The following SSR1 variants were observed in gnomAD, a reference collection of about 807,000 sequenced individuals.
SSR1 encodes signal sequence receptor subunit 1, also known as translocon-associated protein subunit alpha.
In SSR1, 13 loss-of-function variants were observed where a neutral mutation model predicts 36.1. The ratio of observed to expected loss-of-function variants is 0.36; its 90% CI spans 0.23 to 0.57. The LOEUF (loss-of-function observed/expected upper bound fraction) is 0.57. SSR1 is among the 20% of genes least tolerant of loss of function. SSR1 has a pLI of 0.81. For missense variants in SSR1, 291 were observed against 338.5 expected (o/e 0.86, Z 1.10); for synonymous variants, 113 against 118.9 (o/e 0.95, Z 0.32).
intron 1 of SSR1, among the ~76,000 whole-genome samples, chr6:7,311,925 G>A (rs1758203012): frequency 6.6e-6 from 1 of 152,104 alleles, no homozygotes; most frequent in African/African-American, 2.4e-5. Context: ...AAGAGTACCA[G>A]CAAACGACTC....
chr6:7,311,395 C>T (rs572936164), intron 1 of SSR1, among the ~76,000 whole-genome samples: 1 of 152,294 alleles, frequency 6.6e-6, no homozygotes, highest in African/African-American at 2.4e-5. Flanking sequence ...AGCGTGTTTT[C>T]ACCCAGGAGA....
intron 4 of SSR1, among the ~76,000 whole-genome samples, chr6:7,299,632 A>G (rs573988522): frequency 1.3e-5 from 2 of 149,916 alleles, no homozygotes; most frequent in Non-Finnish European, 3.0e-5. Flanking sequence ...CAGAAGGCAG[A>G]GGTTGTGATG....
intron 1 of SSR1, among the ~76,000 whole-genome samples, chr6:7,312,252 G>C (rs1454645183): frequency 6.6e-6 from 1 of 152,182 alleles, no homozygotes; most frequent in Non-Finnish European, 1.5e-5. Flanking sequence ...TGGGTTAATT[G>C]TTGAAAGAAT....
At chr6:7,298,445 G>A (rs929727444) in intron 5 of SSR1, 2 of 305,826 alleles carry the variant, frequency 6.5e-6, no homozygotes, top group East Asian at 5.7e-5. Context: ...TCAGAGGCAC[G>A]AGACTTAGTT....
At position 7,294,378 on chromosome 6, in the gene SSR1, T is replaced by G. The variant is rs9406017; in HGVS notation, c.793+1014A>C. ...GATATATAGAAATTAATGGAAAATATAAACATAATACCATTTATGAAAAAT... is the reference window on the plus strand; with the variant it reads ...GATATATAGAAATTAATGGAAAATAGAAACATAATACCATTTATGAAAAAT... On this transcript the variant is annotated intron_variant, in intron 7 of 7. Transcript: ENST00000244763. 0.012 allele frequency among the ~76,000 whole-genome samples: 1,806 copies of G among 152,262 alleles called. 107 individuals carry two copies. In the East Asian group the frequency reaches 0.18, roughly 15 times the overall value.
chr6:7,283,278 G>C lies in SSR1; in HGVS notation c.*6586C>G, dbSNP rs569447252. ...TTGTTCTTTTTTGAGATGGAGTCTC[G>C]TTCTATCTCCCAGGCTGGAGTGCAG... On this transcript the variant is annotated 3_prime_UTR_variant, in exon 8 of 8. Coordinates refer to ENST00000244763, the MANE Select transcript of SSR1 (RefSeq NM_003144.5). 6.6e-6 allele frequency: 1 copy of C among 151,102 alleles called. No individual in the cohort carries two copies. Among genetic ancestry groups the C allele is most frequent in the African/African-American group, 2.4e-5 (1 of 41,010 alleles). 9.4% of individuals were successfully genotyped at this position (151,102 alleles called of 1,614,324 possible). A position where few individuals can be genotyped will look rare whatever the true frequency, so the allele number is the denominator to read the frequency against.
chr6:7,304,098 C>T (rs1218670518), intron 2 of SSR1, among the ~76,000 whole-genome samples: 3 of 152,228 alleles, frequency 2.0e-5, no homozygotes, highest in East Asian at 1.9e-4. Context: ...GCCTCTTGAA[C>T]AGTAATGTGC....
chr6:7,296,450 TAAAGAG>T (rs1200657924), intron 6 of SSR1, among the ~76,000 whole-genome samples: 2 of 152,302 alleles, frequency 1.3e-5, no homozygotes, highest in Non-Finnish European at 2.9e-5. Context: ...ATTTCTCTTT[TAAAGAG>T]AAAGAGCTTA....
At chr6:7,294,698 TAAATAAATA>T (rs1450624308) in intron 7 of SSR1, among the ~76,000 whole-genome samples, 1 of 60,338 alleles carries the variant, frequency 1.7e-5, no homozygotes, top group African/African-American at 5.0e-5. Flanking sequence ...CTCAAATAAA[TAAATAAATA>T]AATAAATAAA....
chr6:7,301,687 T>C (rs1016418453), intron 3 of SSR1, 115 bp from the exon 4 acceptor site: 71 of 1,112,018 alleles, frequency 6.4e-5, no homozygotes, highest in Admixed American at 1.4e-4. Flanking sequence ...GGTGTCAGAA[T>C]CCCTTCCAAT....
chr6:7,303,125 C>T lies in SSR1; in HGVS notation c.280+425G>A, dbSNP rs530299077. On this transcript the variant is annotated intron_variant, in intron 3 of 7. Coordinates refer to ENST00000244763, the MANE Select transcript of SSR1 (RefSeq NM_003144.5). ...CTGCACTCCAGCCTGGGTGACAGAG[C>T]GAGACTACATCTTAAAAAAAAAAAA... is the stretch of plus-strand genomic sequence containing the variant. Among the ~76,000 whole-genome samples the T allele has an allele frequency of 1.6e-4, 17 of 104,750 alleles. 1 individual carries two copies. The East Asian group carries it at 3.1e-3, about 19-fold the overall frequency. 68.7% of individuals were successfully genotyped at this position (104,750 alleles called of 152,430 possible).
At chr6:7,306,809 G>C (rs796765266) in intron 2 of SSR1, among the ~76,000 whole-genome samples, 27 of 151,974 alleles carry the variant, frequency 1.8e-4, no homozygotes, top group East Asian at 7.8e-4. Flanking sequence ...CCAGCTACTC[G>C]GGAGACTGAG....
In SSR1 at chr6:7,312,933, G is replaced by A. The variant is rs1758240051; in HGVS notation, c.79+109C>T. On this transcript the variant is annotated intron_variant, in intron 1 of 7. Transcript: ENST00000244763. ...GGAGAGGGCGGAGAGAGGCCAGCGGGGTGGACGCGGACCCCAGGACCCGGA... is the reference window on the plus strand; with the variant it reads ...GGAGAGGGCGGAGAGAGGCCAGCGGAGTGGACGCGGACCCCAGGACCCGGA... The A allele has an allele frequency of 6.3e-6, 7 of 1,103,534 alleles. No homozygotes were observed. The South Asian group carries it at 6.7e-5, about 11-fold the overall frequency. 68.4% of individuals were successfully genotyped at this position (1,103,534 alleles called of 1,614,324 possible). A position where few individuals can be genotyped will look rare whatever the true frequency, so the allele number is the denominator to read the frequency against.
chr6:7,313,142 A>C lies in SSR1; in HGVS notation c.-22T>G. On this transcript the variant is annotated 5_prime_UTR_variant, in exon 1 of 8. Coordinates refer to ENST00000244763, the MANE Select transcript of SSR1 (RefSeq NM_003144.5). ...TCATGGCGCTGCCGGTCCAGTGTCC[A>C]GTTTCCGTCGGCTAAGGCTCTCGGC... 6.3e-7 allele frequency: 1 copy of C among 1,593,400 alleles called. No homozygotes were observed. The highest frequency in any genetic ancestry group is 1.7e-4 in the Middle Eastern group (1 of 6,016).
Position 7,289,085 on chromosome 6 carries a change from A to C in SSR1, c.*779T>G, listed in dbSNP as rs904685295. On this transcript the variant is annotated 3_prime_UTR_variant, in exon 8 of 8. Transcript: ENST00000244763. ...TACACACAACTGAGTGAGTAGGTCTAAAATCACTCCAGAGCTACCTCTGGG... is the reference window on the plus strand; with the variant it reads ...TACACACAACTGAGTGAGTAGGTCTCAAATCACTCCAGAGCTACCTCTGGG... 6.6e-6 allele frequency: 1 copy of C among 152,224 alleles called. No homozygotes were observed. The highest frequency in any genetic ancestry group is 2.4e-5 in the African/African-American group (1 of 41,450). The allele number at this position is 152,224 out of a possible 1,614,324, so 9.4% of individuals were successfully genotyped here. A position where few individuals can be genotyped will look rare whatever the true frequency, so the allele number is the denominator to read the frequency against.
chr6:7,304,998 G>C (rs1758024635), intron 2 of SSR1, among the ~76,000 whole-genome samples: 1 of 152,206 alleles, frequency 6.6e-6, no homozygotes, highest in Non-Finnish European at 1.5e-5. Flanking sequence ...TATCCTTAAT[G>C]ATTTCATTCA....
At chr6:7,300,386 G>A (rs187750071) in intron 4 of SSR1, among the ~76,000 whole-genome samples, 97 of 152,278 alleles carry the variant, frequency 6.4e-4, no homozygotes, top group Middle Eastern at 6.8e-3. Flanking sequence ...AGTCATTGAT[G>A]ACTGATATAT....
At chr6:7,297,601 T>C (rs1354210761) in intron 6 of SSR1, among the ~76,000 whole-genome samples, 2 of 152,000 alleles carry the variant, frequency 1.3e-5, no homozygotes, top group African/African-American at 2.4e-5. Flanking sequence ...GGCATACACC[T>C]ATGGTCCCAG....
chr6:7,295,678 A>G (rs1349155145), intron 6 of SSR1, among the ~76,000 whole-genome samples, 193 bp from the exon 7 acceptor site: 1 of 152,172 alleles, frequency 6.6e-6, no homozygotes, highest in Non-Finnish European at 1.5e-5. Flanking sequence ...TGTTTACTCT[A>G]ATTTTTAAAA....
Sources: allele counts gnomAD v4.1 joint callset (sites outside exome capture counted in the v4.1 genomes callset), GRCh38; gene constraint gnomAD v4.1.1; transcripts MANE v1.5; gene names NCBI Gene and HGNC (gene_info 2026-07-23, HGNC 2026-07-21).